DTNA: variants seen among roughly 807,000 people sequenced by gnomAD.
DTNA encodes the protein dystrophin-related protein 3.
A neutral mutation model predicts 100.7 loss-of-function variants in DTNA; 43 were observed. The observed-to-expected ratio is 0.43, with a 90% CI of 0.33 to 0.55. The LOEUF is 0.55. DTNA is among the 20% of genes least tolerant of loss of function. DTNA has a pLI of 0.04. For missense variants in DTNA, 798 were observed against 953.9 expected (o/e 0.84, Z 2.15); for synonymous variants, 349 against 347.9 (o/e 1.00, Z -0.04).
intron 1 of DTNA, among the ~76,000 whole-genome samples, chr18:34,495,784 C>T (rs2039128855): frequency 6.6e-6 from 1 of 152,168 alleles, no homozygotes; most frequent in South Asian, 2.1e-4. Context: ...CTTTTAAAAT[C>T]TCCACTTGTT....
chr18:34,715,104 G>C (rs1185647998), intron 1 of DTNA, among the ~76,000 whole-genome samples: 1 of 151,578 alleles, frequency 6.6e-6, no homozygotes, highest in Non-Finnish European at 1.5e-5. Context: ...TATACCTAAT[G>C]CTAGATGACG....
chr18:34,776,766 T>C (rs987286536), intron 3 of DTNA, among the ~76,000 whole-genome samples: 11 of 152,228 alleles, frequency 7.2e-5, no homozygotes, highest in Admixed American at 5.2e-4. Context: ...GGTAAAAGCA[T>C]AGCCCTGACA....
chr18:34,533,987 A>G (rs1471811459), intron 1 of DTNA, among the ~76,000 whole-genome samples: 1 of 152,148 alleles, frequency 6.6e-6, no homozygotes, highest in Non-Finnish European at 1.5e-5. Flanking sequence ...GCTGGTTATT[A>G]GTCTTCTAAG....
At chr18:34,556,873 A>G (rs529453661) in intron 1 of DTNA, among the ~76,000 whole-genome samples, 51 of 149,938 alleles carry the variant, frequency 3.4e-4, no homozygotes, top group African/African-American at 1.2e-3. Context: ...CTCGAGGAGT[A>G]TCTTTGTGGC....
At chr18:34,883,942 A>G (rs574212847) in intron 21 of DTNA, among the ~76,000 whole-genome samples, 21 of 152,310 alleles carry the variant, frequency 1.4e-4, no homozygotes, top group African/African-American at 4.8e-4. Context: ...CCGTGCTCCC[A>G]TGCTTCAGAA....
At chr18:34,591,728 G>A (rs1344590580) in intron 1 of DTNA, among the ~76,000 whole-genome samples, 1 of 152,146 alleles carries the variant, frequency 6.6e-6, no homozygotes, top group Non-Finnish European at 1.5e-5. Flanking sequence ...CTAAGAAACT[G>A]TCAACTTTGG....
In DTNA at chr18:34,860,980, T is replaced by G. The variant is rs115992951; in HGVS notation, c.1646+2582T>G. Among the ~76,000 whole-genome samples, 558 of 152,282 alleles carry G rather than the reference T, an allele frequency of 3.7e-3. 4 individuals carry two copies. The highest frequency in any genetic ancestry group is 0.012 in the African/African-American group (516 of 41,562). ...ACCTTTCACTTAGTGTATATATTTA[T>G]GTACTTATATATGATTTATAAGGAG... On this transcript the variant is annotated intron_variant, in intron 16 of 22. Coordinates refer to ENST00000444659, the MANE Select transcript of DTNA (RefSeq NM_001386795.1).
At chr18:34,719,254 G>A (rs1048971957) in intron 1 of DTNA, among the ~76,000 whole-genome samples, 1 of 152,088 alleles carries the variant, frequency 6.6e-6, no homozygotes, top group African/African-American at 2.4e-5. Flanking sequence ...TGAGGCAGGA[G>A]AATCACTTGA....
rs574437079 is a variant in DTNA at position 34,662,631 on chromosome 18, TA to T, written c.-1-93342del. 1.9e-3 allele frequency among the ~76,000 whole-genome samples: 295 copies of T among 152,340 alleles called. 2 individuals are homozygous for T. Among genetic ancestry groups the T allele is most frequent in the African/African-American group, 6.8e-3 (284 of 41,580 alleles). ...AACTAAAATTTGGATTTAGGTAGGA[TA>T]AATTCCAACACACAGCTGATATTCT... On this transcript the variant is annotated intron_variant, in intron 1 of 19. Transcript: ENST00000283365.
At chr18:34,647,810 G>A (rs16965730) in intron 1 of DTNA, among the ~76,000 whole-genome samples, 8,987 of 152,280 alleles carry the variant, frequency 0.059, 799 homozygotes, top group African/African-American at 0.2. Flanking sequence ...CTCTAAAAGA[G>A]CTTGGAACAT....
At chr18:34,744,315 C>T (rs1238349070) in intron 1 of DTNA, among the ~76,000 whole-genome samples, 1 of 152,154 alleles carries the variant, frequency 6.6e-6, no homozygotes, top group East Asian at 1.9e-4. Context: ...CATGCCTATG[C>T]AAAAGCAGCT....
At chr18:34,508,788 A>T (rs1317000139) in intron 1 of DTNA, among the ~76,000 whole-genome samples, 1 of 152,162 alleles carries the variant, frequency 6.6e-6, no homozygotes, top group East Asian at 1.9e-4. Context: ...CTTTTGGATT[A>T]GGCATCACAT....
intron 1 of DTNA, among the ~76,000 whole-genome samples, chr18:34,512,907 A>G (rs1056500106): frequency 6.6e-6 from 1 of 152,098 alleles, no homozygotes; most frequent in African/African-American, 2.4e-5. Context: ...ATTGTGGAAT[A>G]CAAATTAGCA....
At chr18:34,641,101 A>G (rs1022122642) in intron 1 of DTNA, among the ~76,000 whole-genome samples, 1 of 152,166 alleles carries the variant, frequency 6.6e-6, no homozygotes, top group Non-Finnish European at 1.5e-5. Context: ...ATAAAAATCT[A>G]TCTAGAATAT....
chr18:34,554,996 A>C (rs929434002), intron 1 of DTNA, among the ~76,000 whole-genome samples: 3 of 127,406 alleles, frequency 2.4e-5, no homozygotes, highest in Non-Finnish European at 4.9e-5. Flanking sequence ...CTGTGAATCC[A>C]TCTGGTCCTG....
chr18:34,851,349 G>A (rs941067136), intron 14 of DTNA, among the ~76,000 whole-genome samples: 3 of 152,128 alleles, frequency 2.0e-5, no homozygotes, highest in African/African-American at 4.8e-5. Flanking sequence ...TGATCCGCCC[G>A]CCTCAGCCTC....
At chr18:34,778,807 TTTGTTGTTG>T (rs368572376) in intron 3 of DTNA, among the ~76,000 whole-genome samples, 5 of 150,882 alleles carry the variant, frequency 3.3e-5, no homozygotes, top group East Asian at 3.9e-4. Flanking sequence ...ATAGGGAAAG[TTTGTTGTTG>T]TTGTTGTTGT....
intron 13 of DTNA, among the ~76,000 whole-genome samples, chr18:34,841,921 C>T (rs1031589113): frequency 6.6e-6 from 1 of 152,184 alleles, no homozygotes; most frequent in African/African-American, 2.4e-5. Context: ...TAAAGAAACA[C>T]TTATGTCATT....
exon 1 of DTNA, chr18:34,493,411 A>G (rs2038752816): frequency 6.6e-6 from 1 of 152,542 alleles, no homozygotes; most frequent in African/African-American, 2.4e-5. Context: ...ATTATTAAAT[A>G]ATAAGAAAGC....
Sources: allele counts gnomAD v4.1 joint callset (sites outside exome capture counted in the v4.1 genomes callset), GRCh38; gene constraint gnomAD v4.1.1; transcripts MANE v1.5; gene names NCBI Gene and HGNC (gene_info 2026-07-23, HGNC 2026-07-21).